QTMAN: variants seen among roughly 807,000 people sequenced by gnomAD.
The protein encoded by QTMAN is queuosine-tRNA mannosyltransferase.
the QTMAN span, among the ~76,000 whole-genome samples, chr2:143,997,590 AT>A: frequency 6.6e-6 from 1 of 152,164 alleles, no homozygotes; most frequent in African/African-American, 2.4e-5. Flanking sequence ...GGTAAAGCTG[AT>A]TTCCATGATG....
chr2:144,102,716 T>G, the QTMAN span, among the ~76,000 whole-genome samples: 1 of 152,240 alleles, frequency 6.6e-6, no homozygotes, highest in Non-Finnish European at 1.5e-5. Context: ...TTCTTTTCCT[T>G]GTCACTGTCA....
the QTMAN span, chr2:144,146,010 A>G: frequency 4.6e-6 from 1 of 216,866 alleles, no homozygotes; most frequent in South Asian, 1.8e-4. Flanking sequence ...AAAAAAAAAA[A>G]AAAAAAAAGC....
chr2:144,104,651 T>G, the QTMAN span, among the ~76,000 whole-genome samples: 2 of 152,218 alleles, frequency 1.3e-5, no homozygotes, highest in Non-Finnish European at 2.9e-5. Flanking sequence ...CAAGGAGGCC[T>G]GCCTGCCTCT....
At chr2:144,093,623 C>A in the QTMAN span, among the ~76,000 whole-genome samples, 1 of 152,144 alleles carries the variant, frequency 6.6e-6, no homozygotes, top group South Asian at 2.1e-4. Context: ...ATTAAATATA[C>A]TTTTTAAAGA....
the QTMAN span, among the ~76,000 whole-genome samples, chr2:144,223,360 G>A: frequency 1.4e-4 from 21 of 152,050 alleles, 1 homozygote; most frequent in Non-Finnish European, 8.8e-5. Context: ...TATGCTTATC[G>A]ACATATAATT....
the QTMAN span, among the ~76,000 whole-genome samples, chr2:144,012,023 A>AATATTCGGATTGCC: frequency 6.6e-6 from 1 of 152,100 alleles, no homozygotes. Context: ...TAACTTTAGA[A>AATATTCGGATTGCC]ATATTCGGAT....
chr2:144,094,136 C>T, the QTMAN span, among the ~76,000 whole-genome samples: 5,972 of 152,174 alleles, frequency 0.039, 167 homozygotes, highest in East Asian at 0.077. Flanking sequence ...ATAAACTGCG[C>T]ATTAAATGTC....
At chr2:144,026,429 T>C in the QTMAN span, among the ~76,000 whole-genome samples, 1 of 151,936 alleles carries the variant, frequency 6.6e-6, no homozygotes, top group Admixed American at 6.6e-5. Context: ...AAATTCCATC[T>C]CAAAAATAAA....
the QTMAN span, among the ~76,000 whole-genome samples, chr2:144,244,327 A>G: frequency 6.6e-6 from 1 of 152,172 alleles, no homozygotes; most frequent in Non-Finnish European, 1.5e-5. Flanking sequence ...GCTTGAGGGC[A>G]GGTGTGCTGA....
At chr2:144,085,108 T>G in the QTMAN span, among the ~76,000 whole-genome samples, 1 of 152,242 alleles carries the variant, frequency 6.6e-6, no homozygotes, top group East Asian at 1.9e-4. Flanking sequence ...TGTAAAGAAC[T>G]AGATTATAAA....
chr2:144,330,835 T>C, the QTMAN span, among the ~76,000 whole-genome samples: 1 of 152,232 alleles, frequency 6.6e-6, no homozygotes, highest in African/African-American at 2.4e-5. Flanking sequence ...AGAAACTGTC[T>C]TCGATTCTTA....
At chr2:144,106,483 C>A in the QTMAN span, among the ~76,000 whole-genome samples, 3 of 152,076 alleles carry the variant, frequency 2.0e-5, no homozygotes, top group African/African-American at 7.2e-5. Flanking sequence ...AGACTTTAAA[C>A]CTACAAAGAT....
chr2:144,013,578 A>C, the QTMAN span, among the ~76,000 whole-genome samples: 1 of 152,224 alleles, frequency 6.6e-6, no homozygotes, highest in Non-Finnish European at 1.5e-5. Context: ...ATCAGTGAAA[A>C]AGTGACAGAA....
chr2:144,060,351 C>T, the QTMAN span, among the ~76,000 whole-genome samples: 1 of 152,032 alleles, frequency 6.6e-6, no homozygotes, highest in Non-Finnish European at 1.5e-5. Flanking sequence ...ACCTCCGCCT[C>T]CCTGGTTCAA....
At chr2:144,256,691 G>A in the QTMAN span, among the ~76,000 whole-genome samples, 1 of 151,950 alleles carries the variant, frequency 6.6e-6, no homozygotes, top group Non-Finnish European at 1.5e-5. Flanking sequence ...CACACACAGG[G>A]GCCCATCGGC....
the QTMAN span, among the ~76,000 whole-genome samples, chr2:144,293,535 T>C: frequency 6.6e-6 from 1 of 152,250 alleles, no homozygotes; most frequent in African/African-American, 2.4e-5. Flanking sequence ...AAGACAAGGA[T>C]AGATTTGAAC....
the QTMAN span, among the ~76,000 whole-genome samples, chr2:144,143,626 G>A: frequency 6.6e-6 from 1 of 151,922 alleles, no homozygotes; most frequent in Non-Finnish European, 1.5e-5. Flanking sequence ...ACAAAGGAAT[G>A]TCACAGAAGT....
At chr2:144,269,485 AG>A in the QTMAN span, among the ~76,000 whole-genome samples, 1 of 152,138 alleles carries the variant, frequency 6.6e-6, no homozygotes, top group Non-Finnish European at 1.5e-5. Context: ...GTTACACCAA[AG>A]AAATAATATA....
At chr2:143,986,951 G>T in the QTMAN span, among the ~76,000 whole-genome samples, 1 of 152,160 alleles carries the variant, frequency 6.6e-6, no homozygotes, top group South Asian at 2.1e-4. Flanking sequence ...ACAAAAGGAA[G>T]TTTTGGGCAC....
Sources: allele counts gnomAD v4.1 joint callset (sites outside exome capture counted in the v4.1 genomes callset), GRCh38; gene constraint gnomAD v4.1.1; transcripts MANE v1.5; gene names NCBI Gene and HGNC (gene_info 2026-07-23, HGNC 2026-07-21).